The following CDKN2B-AS1 variants were observed in gnomAD, a reference collection of about 807,000 sequenced individuals.
The protein encoded by CDKN2B-AS1 is CDKN2B antisense RNA 1 (non-protein coding).
chr9:22,006,884 A>C lies in CDKN2B-AS1; in HGVS notation n.29+11723A>C, dbSNP rs1821217233. Among the ~76,000 whole-genome samples the C allele has an allele frequency of 6.6e-6, 1 of 152,148 alleles. No individual in the cohort carries two copies. The highest frequency in any genetic ancestry group is 6.5e-5 in the Admixed American group (1 of 15,286). On this transcript the variant is annotated intron_variant and non_coding_transcript_variant, in intron 1 of 4. Transcript: ENST00000650946. This position sits in a 1 kb window ranked among gnomAD's most constrained non-coding sequence, Gnocchi z 6.4. ...CCAAAGTTGGAGATTAGAAGGGAAA[A>C]GTAAATTAAATCATGCAAAATCTTA...
intron 4 of CDKN2B-AS1, among the ~76,000 whole-genome samples, chr9:22,058,205 C>G (rs1823653957): frequency 6.6e-6 from 1 of 152,144 alleles, no homozygotes; most frequent in African/African-American, 2.4e-5. Context: ...AAAAATGAAA[C>G]AAACAAACCC....
chr9:22,107,109 G>A (rs1467441154), intron 4 of CDKN2B-AS1, among the ~76,000 whole-genome samples: 1 of 152,226 alleles, frequency 6.6e-6, no homozygotes, highest in East Asian at 1.9e-4. Context: ...CAGATCAGAT[G>A]CTGGCAGCAG....
intron 4 of CDKN2B-AS1, among the ~76,000 whole-genome samples, chr9:22,105,246 C>T (rs1036046156): frequency 6.6e-6 from 1 of 152,124 alleles, no homozygotes; most frequent in Non-Finnish European, 1.5e-5. Context: ...ATATCATCAG[C>T]GGAAATGAAA....
chr9:22,006,396 G>A lies in CDKN2B-AS1; in HGVS notation n.29+11235G>A. The A allele has an allele frequency of 9.2e-7, 1 of 1,091,848 alleles. No individual in the cohort carries two copies. Among genetic ancestry groups the A allele is most frequent in the Non-Finnish European group, 1.3e-6 (1 of 752,178 alleles). The allele number at this position is 1,091,848 out of a possible 1,614,324, so 67.6% of individuals were successfully genotyped here. A position where few individuals can be genotyped will look rare whatever the true frequency, so the allele number is the denominator to read the frequency against. ...GGTGTTCAGGTCTCTGATGTCTGGT[G>A]TTTCTTCATTTGCTGATGCAATCCA... On this transcript the variant is annotated intron_variant and non_coding_transcript_variant, in intron 1 of 4. Coordinates refer to ENST00000650946, the Ensembl canonical transcript of CDKN2B-AS1. This position sits in a 1 kb window ranked among gnomAD's most constrained non-coding sequence, Gnocchi z 6.4.
chr9:22,016,090 T>G (rs1821742677), intron 1 of CDKN2B-AS1, among the ~76,000 whole-genome samples: 1 of 152,202 alleles, frequency 6.6e-6, no homozygotes, highest in Non-Finnish European at 1.5e-5. Flanking sequence ...GCAGAAGCTC[T>G]TTAGTTTAAT....
chr9:22,081,311 G>C (rs1348416342), intron 4 of CDKN2B-AS1, among the ~76,000 whole-genome samples: 1 of 149,264 alleles, frequency 6.7e-6, no homozygotes, highest in Admixed American at 6.7e-5. Context: ...TAACTAATGA[G>C]GCAATGTGTC....
At chr9:22,090,774 G>A (rs561294946) in intron 4 of CDKN2B-AS1, among the ~76,000 whole-genome samples, 2 of 152,202 alleles carry the variant, frequency 1.3e-5, no homozygotes, top group Admixed American at 1.3e-4. Context: ...CATTCTGTAG[G>A]TTGGCTGTTC....
chr9:22,101,487 T>C (rs1446321895), intron 4 of CDKN2B-AS1, among the ~76,000 whole-genome samples: 1 of 152,236 alleles, frequency 6.6e-6, no homozygotes, highest in Non-Finnish European at 1.5e-5. Flanking sequence ...CTCAGTTTTA[T>C]ATCTTGTTAC....
chr9:22,032,155 G>T (rs543338149), intron 1 of CDKN2B-AS1, among the ~76,000 whole-genome samples: 10 of 151,944 alleles, frequency 6.6e-5, no homozygotes, highest in Admixed American at 2.0e-4. Flanking sequence ...GTTTTTTTTG[G>T]GGGGAGAATG....
intron 4 of CDKN2B-AS1, among the ~76,000 whole-genome samples, chr9:22,057,392 G>A (rs566335164): frequency 5.3e-5 from 8 of 152,266 alleles, no homozygotes; most frequent in Admixed American, 2.6e-4. Context: ...TCCAAAGCTC[G>A]TATTTTTAAT....
intron 4 of CDKN2B-AS1, among the ~76,000 whole-genome samples, chr9:22,109,683 T>G (rs1238511697): frequency 2.0e-5 from 3 of 152,208 alleles, no homozygotes; most frequent in Non-Finnish European, 4.4e-5. Context: ...AGATGTCATC[T>G]GCCATTTAGT....
chr9:22,026,351 C>T (rs574759697), intron 1 of CDKN2B-AS1, among the ~76,000 whole-genome samples: 70 of 152,168 alleles, frequency 4.6e-4, no homozygotes, highest in African/African-American at 1.5e-3. Context: ...TGAATGGGAT[C>T]GGGGACCAAC....
chr9:22,075,605 C>T (rs1295370701), intron 4 of CDKN2B-AS1, among the ~76,000 whole-genome samples: 4 of 152,172 alleles, frequency 2.6e-5, no homozygotes, highest in Non-Finnish European at 5.9e-5. Flanking sequence ...GGATGGGAAG[C>T]GCCAATCTAT....
intron 3 of CDKN2B-AS1, among the ~76,000 whole-genome samples, chr9:22,054,821 A>G (rs1019347984): frequency 5.0e-4 from 75 of 148,982 alleles, no homozygotes; most frequent in African/African-American, 1.7e-3. Flanking sequence ...ACTCTGTCTC[A>G]GCTCACTGTA....
chr9:22,058,347 A>C (rs1823662029), intron 4 of CDKN2B-AS1: 1 of 152,036 alleles, frequency 6.6e-6, no homozygotes, highest in South Asian at 2.1e-4. Flanking sequence ...CCTTACATTC[A>C]TTTCTTCTCA....
chr9:22,115,404 C>G (rs967383471), intron 4 of CDKN2B-AS1, among the ~76,000 whole-genome samples: 2 of 152,170 alleles, frequency 1.3e-5, no homozygotes, highest in African/African-American at 4.8e-5. Flanking sequence ...TATATGATCA[C>G]TCCAGGGTCT....
chr9:22,058,077 C>G (rs890146725), intron 4 of CDKN2B-AS1, among the ~76,000 whole-genome samples: 3 of 148,490 alleles, frequency 2.0e-5, no homozygotes, highest in Non-Finnish European at 4.5e-5. Flanking sequence ...ACCTGTAATC[C>G]CAGCTACTGG....
At position 22,039,764 on chromosome 9, in the gene CDKN2B-AS1, T is replaced by C. The variant is rs1822827566; in HGVS notation, n.30-6987T>C. 6.6e-6 allele frequency among the ~76,000 whole-genome samples: 1 copy of C among 152,028 alleles called. No homozygotes were observed. Among genetic ancestry groups the C allele is most frequent in the African/African-American group, 2.4e-5 (1 of 41,438 alleles). ...AAATCTTCAGGCCCTCAAAATTTTT[T>C]CATTCCATTTGTTATGGGCTGAATT... On this transcript the variant is annotated intron_variant and non_coding_transcript_variant, in intron 1 of 4. Coordinates refer to ENST00000650946, the Ensembl canonical transcript of CDKN2B-AS1. The surrounding 1 kb of genome is among the most constrained non-coding windows in gnomAD (Gnocchi z 4.4).
At position 21,997,217 on chromosome 9, in the gene CDKN2B-AS1, G is replaced by A. The variant is rs1042447837; in HGVS notation, n.29+2056G>A. On this transcript the variant is annotated intron_variant and non_coding_transcript_variant, in intron 1 of 4. Coordinates refer to ENST00000650946, the Ensembl canonical transcript of CDKN2B-AS1. This position sits in a 1 kb window ranked among gnomAD's most constrained non-coding sequence, Gnocchi z 4.8. ...ACTATACTGAATACTGTAGATAATT[G>A]TAACAAAATGTAGTTTTATATCTAA... Among the ~76,000 whole-genome samples the A allele has an allele frequency of 2.6e-5, 4 of 152,100 alleles. No homozygotes were observed. The highest frequency in any genetic ancestry group is 9.7e-5 in the African/African-American group (4 of 41,394).
Sources: allele counts gnomAD v4.1 joint callset (sites outside exome capture counted in the v4.1 genomes callset), GRCh38; gene constraint gnomAD v4.1.1; non-coding constraint Gnocchi (gnomAD v3.1); transcripts MANE v1.5; gene names NCBI Gene and HGNC (gene_info 2026-07-23, HGNC 2026-07-21).